TMEM45A: variants seen among roughly 807,000 people sequenced by gnomAD.
The protein encoded by TMEM45A is transmembrane protein 45A, also known as DNA polymerase-transactivated protein 4.
A neutral mutation model predicts 32.0 loss-of-function variants in TMEM45A; 25 were observed. The observed-to-expected ratio is 0.78, with a 90% CI of 0.57 to 1.09. The LOEUF (loss-of-function observed/expected upper bound fraction) is 1.09. Among genes scored for constraint, TMEM45A ranks in the 50% least tolerant of loss-of-function variants. TMEM45A has a pLI of 0.00. For synonymous variants in TMEM45A, 122 were observed against 114.8 expected, an observed-to-expected ratio of 1.06 and a Z score of -0.40; for missense variants, 302 against 325.0, an observed-to-expected ratio of 0.93 and a Z score of 0.54.
intron 1 of TMEM45A, among the ~76,000 whole-genome samples, chr3:100,495,906 C>T (rs1424231168): frequency 2.0e-5 from 3 of 152,162 alleles, no homozygotes; most frequent in Non-Finnish European, 1.5e-5. Context: ...TAGTGTATGC[C>T]GAGTAGCTCT....
At chr3:100,493,968 G>C (rs1337049634) in intron 1 of TMEM45A, among the ~76,000 whole-genome samples, 1 of 152,182 alleles carries the variant, frequency 6.6e-6, no homozygotes, top group Non-Finnish European at 1.5e-5. Flanking sequence ...CTGACCTCAG[G>C]TTATGTGCCT....
At chr3:100,506,384 A>G (rs561266403) in intron 1 of TMEM45A, among the ~76,000 whole-genome samples, 142 of 152,328 alleles carry the variant, frequency 9.3e-4, no homozygotes, top group African/African-American at 3.2e-3. Flanking sequence ...GTGCCAAACA[A>G]GGTAAAATTC....
chr3:100,541,419 G>C (rs1384332455), intron 1 of TMEM45A, among the ~76,000 whole-genome samples: 2 of 151,742 alleles, frequency 1.3e-5, no homozygotes, highest in Non-Finnish European at 2.9e-5. Context: ...TGTCCAGAAT[G>C]GTGCTTCATA....
chr3:100,499,736 G>T (rs1208531900), intron 1 of TMEM45A, among the ~76,000 whole-genome samples: 1 of 152,142 alleles, frequency 6.6e-6, no homozygotes, highest in Admixed American at 6.5e-5. Context: ...AATTAGCTGG[G>T]TGTGGTGGCA....
intron 1 of TMEM45A, among the ~76,000 whole-genome samples, chr3:100,523,398 A>G (rs986691127): frequency 1.3e-5 from 2 of 152,208 alleles, no homozygotes; most frequent in South Asian, 2.1e-4. Context: ...TACTCGTTTA[A>G]CAACCCTATT....
At chr3:100,520,088 A>G (rs1705407277) in intron 1 of TMEM45A, among the ~76,000 whole-genome samples, 1 of 152,232 alleles carries the variant, frequency 6.6e-6, no homozygotes. Flanking sequence ...AAAATCCTGT[A>G]TACATGGAGC....
intron 1 of TMEM45A, among the ~76,000 whole-genome samples, chr3:100,524,415 C>T (rs537967815): frequency 5.6e-4 from 85 of 152,102 alleles, no homozygotes; most frequent in Middle Eastern, 6.8e-3. Flanking sequence ...TTTTTCCTTC[C>T]CATGTATCTT....
In TMEM45A at chr3:100,555,321, C is replaced by A; in HGVS notation, c.110C>A (p.Thr37Asn). The A allele has an allele frequency of 6.2e-7, 1 of 1,613,900 alleles. No individual in the cohort carries two copies. Among genetic ancestry groups the A allele is most frequent in the Non-Finnish European group, 8.5e-7 (1 of 1,179,938 alleles). Residue 37 changes from threonine to asparagine, a missense_variant, in exon 2 of 6, where the codon ACC (threonine) becomes AAC (asparagine). Transcript: ENST00000323523. ...TATATCTGCAAAAAGCAAAAGCGAA[C>A]CTGCTATCTTGGTTCCAAAACATTA... ...LKYICKKQKR[T>N]CYLGSKTLFY...
At chr3:100,558,336 AGG>A in intron 3 of TMEM45A, 67 bp from the exon 4 acceptor site, 1 of 1,577,944 alleles carries the variant, frequency 6.3e-7, no homozygotes, top group Non-Finnish European at 8.7e-7. Context: ...CTACGGAGAG[AGG>A]GAGAGAGAGA....
At chr3:100,527,450 A>G (rs566279697) in intron 1 of TMEM45A, among the ~76,000 whole-genome samples, 1 of 151,898 alleles carries the variant, frequency 6.6e-6, no homozygotes, top group South Asian at 2.1e-4. Context: ...TTTTTTTTCT[A>G]TTTGCTCAGA....
At chr3:100,546,477 T>G (rs113892090) in intron 1 of TMEM45A, among the ~76,000 whole-genome samples, 1 of 152,244 alleles carries the variant, frequency 6.6e-6, no homozygotes, top group Non-Finnish European at 1.5e-5. Context: ...ACATGTACCT[T>G]GGAACTACAG....
chr3:100,528,757 CATTT>C (rs1359397647), intron 1 of TMEM45A, among the ~76,000 whole-genome samples: 1 of 152,026 alleles, frequency 6.6e-6, no homozygotes, highest in Non-Finnish European at 1.5e-5. Context: ...TTTTTTAAAT[CATTT>C]ATTTAATTTA....
chr3:100,554,049 T>C (rs899685160), intron 1 of TMEM45A, among the ~76,000 whole-genome samples: 3 of 152,172 alleles, frequency 2.0e-5, no homozygotes, highest in Admixed American at 6.5e-5. Context: ...CTTTCATGAG[T>C]TTCCTTGGAC....
chr3:100,538,377 CAGAA>C (rs1705785111), intron 1 of TMEM45A, among the ~76,000 whole-genome samples: 1 of 148,450 alleles, frequency 6.7e-6, no homozygotes, highest in African/African-American at 2.4e-5. Flanking sequence ...ACAAAACAAA[CAGAA>C]AGCAGCAAAC....
chr3:100,512,253 A>G (rs1244437406), intron 1 of TMEM45A, among the ~76,000 whole-genome samples: 1 of 152,228 alleles, frequency 6.6e-6, no homozygotes, highest in East Asian at 1.9e-4. Context: ...ATGTAAAAGA[A>G]CAGAAATTAT....
chr3:100,517,791 T>C (rs960088818), intron 1 of TMEM45A, among the ~76,000 whole-genome samples: 2 of 152,238 alleles, frequency 1.3e-5, no homozygotes, highest in African/African-American at 4.8e-5. Context: ...ATGAGCAAGT[T>C]AGCTTAATTA....
intron 1 of TMEM45A, among the ~76,000 whole-genome samples, chr3:100,540,954 G>T (rs1244721457): frequency 6.6e-6 from 1 of 152,142 alleles, no homozygotes. Flanking sequence ...CAGTGTACAA[G>T]TGTTCCCTTT....
At chr3:100,500,988 A>G (rs565834804) in intron 1 of TMEM45A, among the ~76,000 whole-genome samples, 2 of 152,306 alleles carry the variant, frequency 1.3e-5, no homozygotes, top group Admixed American at 1.3e-4. Flanking sequence ...AGAAAGGTAA[A>G]CTGTACTACT....
chr3:100,502,228 A>G (rs1708016910), intron 1 of TMEM45A, among the ~76,000 whole-genome samples: 1 of 150,928 alleles, frequency 6.6e-6, no homozygotes, highest in Non-Finnish European at 1.5e-5. Context: ...TTTTTTTTAA[A>G]CACCTTTTCT....
Sources: gnomAD v4.1 joint callset for allele counts (sites outside exome capture counted in the v4.1 genomes callset) on GRCh38, gnomAD v4.1.1 for gene constraint, MANE v1.5 for transcripts, NCBI Gene and HGNC (gene_info 2026-07-23, HGNC 2026-07-21) for gene names.